Variants in MTHFD1 observed in about 807,000 individuals in gnomAD.
MTHFD1 encodes C-1-tetrahydrofolate synthase, cytoplasmic.
A neutral mutation model predicts 110.3 loss-of-function variants in MTHFD1; 44 were observed. That is an observed-to-expected ratio of 0.40 (90% CI 0.31 to 0.51). MTHFD1 has a LOEUF of 0.51. Among genes scored for constraint, MTHFD1 ranks in the 20% least tolerant of loss-of-function variants. The pLI is 0.60. For missense variants in MTHFD1, 909 were observed against 1,173.1 expected (o/e 0.77, Z 3.29); for synonymous variants, 402 against 428.8 (o/e 0.94, Z 0.77).
intron 2 of MTHFD1, among the ~76,000 whole-genome samples, chr14:64,408,536 G>A (rs573250755): frequency 3.9e-5 from 6 of 152,176 alleles, no homozygotes; most frequent in Middle Eastern, 3.4e-3. Context: ...TGATCTGCCC[G>A]CCTTAGCCTC....
chr14:64,405,508 C>T (rs1386445955), intron 2 of MTHFD1, among the ~76,000 whole-genome samples: 4 of 152,104 alleles, frequency 2.6e-5, no homozygotes, highest in South Asian at 4.1e-4. Flanking sequence ...TAGTCTTTTT[C>T]GCTGTGGTGC....
intron 2 of MTHFD1, among the ~76,000 whole-genome samples, chr14:64,409,873 A>G (rs2077968463): frequency 1.3e-5 from 2 of 152,184 alleles, no homozygotes; most frequent in Admixed American, 1.3e-4. Flanking sequence ...ACAAGCTCAG[A>G]AAATCCTGTG....
rs925811486 is a variant in MTHFD1 at position 64,390,330 on chromosome 14, A to G, written c.41+1862A>G. The G allele has an allele frequency of 9.7e-5, 14 of 144,624 alleles. No individual in the cohort carries two copies. The Admixed American group carries it at 9.8e-4, about 10-fold the overall frequency. The allele number at this position is 144,624 out of a possible 1,614,324, so 9.0% of individuals were successfully genotyped here. ...ATTCATTATCTTTTTTTTTTTTTAC[A>G]TGGTAGCTGCTGCCTTGAGATCTAT... On this transcript the variant is annotated intron_variant, in intron 1 of 27. Transcript: ENST00000652337.
chr14:64,456,263 A>T (rs1351010426), intron 26 of MTHFD1, among the ~76,000 whole-genome samples: 1 of 152,160 alleles, frequency 6.6e-6, no homozygotes, highest in Non-Finnish European at 1.5e-5. Context: ...TTTTAACTTT[A>T]AGTTGGACCA....
chr14:64,437,348 A>G (rs1220499728), intron 16 of MTHFD1, among the ~76,000 whole-genome samples: 2 of 152,210 alleles, frequency 1.3e-5, no homozygotes, highest in Non-Finnish European at 2.9e-5. Context: ...ATTAGTAGGA[A>G]TATGGATCAA....
chr14:64,398,406 G>T (rs373015181), intron 1 of MTHFD1, among the ~76,000 whole-genome samples: 1 of 152,134 alleles, frequency 6.6e-6, no homozygotes, highest in South Asian at 2.1e-4. Flanking sequence ...ATTAGCTGAA[G>T]TGTGGTGGTG....
At position 64,415,739 on chromosome 14, in the gene MTHFD1, G is replaced by C. The variant is rs201817260; in HGVS notation, c.478G>C (p.Gly160Arg). ...KGCLELIKET[G>R]VPIAGRHAVV... ...ATGCTTGGAACTCATCAAAGAGACAGGTAAAAACAACAAACCAAACAACAA... is the reference window on the plus strand; with the variant it reads ...ATGCTTGGAACTCATCAAAGAGACACGTAAAAACAACAAACCAAACAACAA... Residue 160 changes from glycine (G) to arginine (R), a missense_variant and splice_region_variant, in exon 6 of 28, where the codon GGG (glycine) becomes CGG (arginine). Physicochemically the swap from Gly to Arg is moderately radical, Grantham distance 125. Around this residue, in one of 3 missense-constraint regions of MTHFD1, gnomAD observed 424 missense variants for 510.4 expected, o/e 0.83. Transcript: ENST00000652337. 1.4e-5 allele frequency: 22 copies of C among 1,613,688 alleles called. No individual in the cohort carries two copies. The highest frequency in any genetic ancestry group is 1.9e-5 in the Non-Finnish European group (22 of 1,179,826).
chr14:64,417,990 C>T lies in MTHFD1; in HGVS notation c.581C>T (p.Thr194Ile), dbSNP rs752076030. Reference sequence around the variant, plus strand: ...CTGTGGAACAATGCCACAGTGACCACCTGCCACTCCAAGACTGCCCATCTG... The same window carrying T: ...CTGTGGAACAATGCCACAGTGACCATCTGCCACTCCAAGACTGCCCATCTG... The part of the protein sequence containing the change: ...LLLWNNATVT[T>I]CHSKTAHLDE... The change falls in exon 7 of 28, where the codon ACC (threonine) becomes ATC (isoleucine). Residue 194 changes from threonine (T) to isoleucine (I), a missense_variant. Physicochemically the swap from Thr to Ile is moderately conservative, Grantham distance 89 (BLOSUM62 -1). This residue lies in a region of MTHFD1 where 424 missense variants were observed against 510.4 expected (regional missense o/e 0.83). Transcript: ENST00000652337. This position sits in a 1 kb window ranked among gnomAD's most constrained non-coding sequence, Gnocchi z 4.4. The T allele has an allele frequency of 7.4e-6, 12 of 1,613,972 alleles. No homozygotes were observed. The highest frequency in any genetic ancestry group is 1.0e-5 in the Non-Finnish European group (12 of 1,180,040).
At chr14:64,411,806 C>T (rs2077987251) in intron 3 of MTHFD1, among the ~76,000 whole-genome samples, 1 of 152,016 alleles carries the variant, frequency 6.6e-6, no homozygotes, top group African/African-American at 2.4e-5. Flanking sequence ...GAGGCTGAGG[C>T]AGGAGAATCG....
intron 6 of MTHFD1, among the ~76,000 whole-genome samples, chr14:64,416,817 A>G (rs1333853257): frequency 6.6e-6 from 1 of 152,206 alleles, no homozygotes; most frequent in Non-Finnish European, 1.5e-5. Flanking sequence ...AAGGCCTCCC[A>G]CTGCCTCTTA....
intron 21 of MTHFD1, among the ~76,000 whole-genome samples, chr14:64,442,945 G>A (rs1360529338): frequency 6.6e-6 from 1 of 152,068 alleles, no homozygotes; most frequent in Non-Finnish European, 1.5e-5. Context: ...CCTGAATTTT[G>A]TATTTCTCTG....
intron 18 of MTHFD1, chr14:64,440,494 T>C: frequency 1.7e-6 from 1 of 587,752 alleles, no homozygotes; most frequent in South Asian, 1.8e-5. Flanking sequence ...TTCCAGATGA[T>C]TTGAGTAACA....
intron 4 of MTHFD1, among the ~76,000 whole-genome samples, chr14:64,413,856 G>T (rs2078004365): frequency 1.3e-5 from 2 of 152,102 alleles, no homozygotes; most frequent in South Asian, 2.1e-4. Context: ...TAGAGACAGG[G>T]TCTCACTCTT....
At chr14:64,405,201 T>C (rs188008523) in intron 2 of MTHFD1, among the ~76,000 whole-genome samples, 1 of 152,338 alleles carries the variant, frequency 6.6e-6, no homozygotes, top group Admixed American at 6.5e-5. Flanking sequence ...TTTTTGCAAA[T>C]TGTTTGTTGT....
chr14:64,416,250 TAAAC>T (rs1270850983), intron 6 of MTHFD1, among the ~76,000 whole-genome samples: 3 of 151,798 alleles, frequency 2.0e-5, no homozygotes, highest in South Asian at 4.1e-4. Flanking sequence ...GTCTCTAAAA[TAAAC>T]AAACAAACAA....
At chr14:64,436,244 G>A (rs752309917) in intron 16 of MTHFD1, among the ~76,000 whole-genome samples, 22 of 151,862 alleles carry the variant, frequency 1.4e-4, no homozygotes, top group Non-Finnish European at 2.9e-4. Flanking sequence ...ACAGGCACCC[G>A]CCATCATGCC....
At chr14:64,397,620 T>C (rs901416630) in intron 1 of MTHFD1, among the ~76,000 whole-genome samples, 51 of 152,292 alleles carry the variant, frequency 3.3e-4, no homozygotes, top group African/African-American at 1.1e-3. Context: ...AAGGTGAATG[T>C]TTTTGCTTCT....
chr14:64,400,578 C>A (rs889570754), intron 1 of MTHFD1, among the ~76,000 whole-genome samples: 1 of 152,152 alleles, frequency 6.6e-6, no homozygotes, highest in African/African-American at 2.4e-5. Context: ...GTCCCAGCTA[C>A]TCAGGAGGCT....
At chr14:64,404,964 A>T (rs1049834215) in intron 2 of MTHFD1, among the ~76,000 whole-genome samples, 2 of 144,490 alleles carry the variant, frequency 1.4e-5, no homozygotes, top group African/African-American at 5.0e-5. Flanking sequence ...GTCTCAATTT[A>T]AAAAAAAAAA....
Sources: gnomAD v4.1 joint callset for allele counts (sites outside exome capture counted in the v4.1 genomes callset) on GRCh38, gnomAD v4.1.1 for gene constraint, gnomAD v4.1.1 regional missense constraint, Gnocchi (gnomAD v3.1) non-coding constraint, MANE v1.5 for transcripts, NCBI Gene and HGNC (gene_info 2026-07-23, HGNC 2026-07-21) for gene names.